Variants in SLITRK6 observed in about 807,000 individuals in gnomAD.
SLITRK6 encodes SLIT and NTRK-like protein 6.
Under a neutral mutation model 55.6 loss-of-function variants are expected in SLITRK6, and 35 were observed. That is an observed-to-expected ratio of 0.63 (90% CI 0.48 to 0.83). The LOEUF (loss-of-function observed/expected upper bound fraction) is 0.83. Ranked by LOEUF, SLITRK6 falls within the 40% of genes least tolerant of loss-of-function variation. The pLI, the probability that SLITRK6 is intolerant of heterozygous loss-of-function variation, is 0.00. For synonymous variants in SLITRK6, 392 were observed against 359.6 expected (o/e 1.09, Z -1.02); for missense variants, 977 against 986.4 (o/e 0.99, Z 0.13).
In SLITRK6 at chr13:85,794,633, C is replaced by A. The variant is rs1316548430; in HGVS notation, c.1876G>T (p.Ala626Ser). The change falls in exon 2 of 2, where the codon GCA becomes TCA. Residue 626 changes from alanine to serine, a missense_variant. Coordinates refer to ENST00000647374, the MANE Select transcript of SLITRK6 (RefSeq NM_032229.3). ...TGAAGAACAAGAACCACTATCCCTG[C>A]AGCACAGAAAACAATAGTGATGAAC... ...IMFITIVFCA[A>S]GIVVLVLHRR... 3 of 1,613,104 alleles carry A rather than the reference C, an allele frequency of 1.9e-6. No homozygotes were observed. Among genetic ancestry groups the A allele is most frequent in the African/African-American group, 2.7e-5 (2 of 74,808 alleles).
chr13:85,792,914 A>G lies in SLITRK6; in HGVS notation c.*1069T>C, dbSNP rs1244749354. ...CAGAATAAATATTTCATAGAAATCT[A>G]ACTATGCCTTCTTGTAAAATAAAGC... On this transcript the variant is annotated 3_prime_UTR_variant, in exon 2 of 2. Coordinates refer to ENST00000647374, the MANE Select transcript of SLITRK6 (RefSeq NM_032229.3). 6.6e-6 allele frequency: 1 copy of G among 152,242 alleles called. No homozygotes were observed. The highest frequency in any genetic ancestry group is 1.5e-5 in the Non-Finnish European group (1 of 67,812). The allele number at this position is 152,242 out of a possible 1,614,324, so 9.4% of individuals were successfully genotyped here.
At position 85,798,398 on chromosome 13, in the gene SLITRK6, C is replaced by T. The variant is rs375310350; in HGVS notation, c.-25+516G>A. Among the ~76,000 whole-genome samples, 3 of 151,992 alleles carry T rather than the reference C, an allele frequency of 2.0e-5. No homozygotes were observed. The East Asian group carries it at 5.8e-4, about 29-fold the overall frequency. On this transcript the variant is annotated intron_variant, in intron 1 of 1. Transcript: ENST00000647374. ...TGTATGAATTTTATGCTCTTCAAAA[C>T]GTGCTAGGAAACAGTTTCTAATCTT...
chr13:85,795,967 C>A lies in SLITRK6; in HGVS notation c.542G>T (p.Arg181Leu), dbSNP rs1156674707. The change falls in exon 2 of 2, where the codon CGA becomes CTA. Residue 181 changes from arginine (R) to leucine (L), a missense_variant. By Grantham distance (102) the Arg-to-Leu change is moderately radical (BLOSUM62 -2). Coordinates refer to ENST00000647374, the MANE Select transcript of SLITRK6 (RefSeq NM_032229.3). The stretch of plus-strand genomic sequence containing the variant: ...ATCTAGATGGGTTAAAGGAACAAAT[C>A]GGAAGATGTTTGGAGGAAGACTCTC... The part of the protein sequence containing the change: ...AIESLPPNIF[R>L]FVPLTHLDLR... 1 of 1,612,914 alleles carries A rather than the reference C, an allele frequency of 6.2e-7. No homozygotes were observed. Among genetic ancestry groups the A allele is most frequent in the Non-Finnish European group, 8.5e-7 (1 of 1,179,398 alleles).
chr13:85,797,100 C>T (rs868339688), intron 1 of SLITRK6, among the ~76,000 whole-genome samples: 11 of 151,110 alleles, frequency 7.3e-5, no homozygotes, highest in African/African-American at 2.4e-4. Flanking sequence ...CTGGGTGTCA[C>T]ACAATAACAT....
rs1413880973 is a variant in SLITRK6, at chr13:85,795,749, T to C, written c.760A>G (p.Lys254Glu). 2.5e-6 allele frequency: 4 copies of C among 1,612,492 alleles called. No individual in the cohort carries two copies. Among genetic ancestry groups the C allele is most frequent in the Non-Finnish European group, 2.5e-6 (3 of 1,179,288 alleles). Reference sequence around the variant, plus strand: ...TTTAGTCTACTGAGTATACTTCCTTTAAAAAATGGAGGGCTGTTGCAGACA... The same window carrying C: ...TTTAGTCTACTGAGTATACTTCCTTCAAAAAATGGAGGGCTGTTGCAGACA... Reference protein sequence around the residue: ...DVVCNSPPFFKGSILSRLKKE... With the variant: ...DVVCNSPPFFEGSILSRLKKE... Residue 254 changes from lysine (K) to glutamate (E), a missense_variant, in exon 2 of 2, where the codon AAA becomes GAA. Physicochemically the swap from Lys to Glu is moderately conservative, Grantham distance 56. Coordinates refer to ENST00000647374, the MANE Select transcript of SLITRK6 (RefSeq NM_032229.3).
rs758898828 is a variant in SLITRK6, at chr13:85,795,462, C to G, written c.1047G>C (p.Glu349Asp). 3 of 1,613,002 alleles carry G rather than the reference C, an allele frequency of 1.9e-6. No individual in the cohort carries two copies. The highest frequency in any genetic ancestry group is 1.1e-5 in the South Asian group (1 of 91,056). The stretch of plus-strand genomic sequence containing the variant: ...GATCTGATAAGCTTTCAATGTTGCG[C>G]TCCTGACAATGTATTAGAAGTCCTG... Reference protein sequence around the residue: ...SPSGLLIHCQERNIESLSDLR... With the variant: ...SPSGLLIHCQDRNIESLSDLR... Residue 349 changes from glutamate (E) to aspartate (D), a missense_variant, in exon 2 of 2, where the codon GAG becomes GAC. By Grantham distance (45) the Glu-to-Asp change is conservative (BLOSUM62 2). Transcript: ENST00000647374.
At position 85,795,999 on chromosome 13, in the gene SLITRK6, A is replaced by T; in HGVS notation, c.510T>A (p.Asn170Lys). 6.2e-7 allele frequency: 1 copy of T among 1,613,152 alleles called. No individual in the cohort carries two copies. Among genetic ancestry groups the T allele is most frequent in the Non-Finnish European group, 8.5e-7 (1 of 1,179,450 alleles). The change falls in exon 2 of 2, where the codon AAT becomes AAA. Residue 170 changes from asparagine (N) to lysine (K), a missense_variant. Coordinates refer to ENST00000647374, the MANE Select transcript of SLITRK6 (RefSeq NM_032229.3). ...TGTTTGGAGGAAGACTCTCAATAGC[A>T]TTGTCATTTAAAATTAACACTTTGA... ...NRLKVLILND[N>K]AIESLPPNIF... is the part of the protein sequence containing the mutation.
In SLITRK6 at chr13:85,794,924, G is replaced by A. The variant is rs1417558844; in HGVS notation, c.1585C>T (p.Gln529Ter). The A allele has an allele frequency of 6.2e-6, 10 of 1,613,102 alleles. No individual in the cohort carries two copies. The highest frequency in any genetic ancestry group is 8.5e-6 in the Non-Finnish European group (10 of 1,179,506). Residue 529 changes from glutamine (Q) to a stop codon, truncating the protein, a stop_gained, in exon 2 of 2, where the codon CAG (glutamine) becomes TAG (stop). Coordinates refer to ENST00000647374, the MANE Select transcript of SLITRK6 (RefSeq NM_032229.3). LOFTEE classifies it high-confidence loss of function. ...TTGCTTAACTTTTGTATCCATTGCT[G>A]CAGTCCAACCAGGTCACAGGAGCAG... Reference protein sequence around the residue: ...WDCSCDLVGLQQWIQKLSKNT... With the variant: ...WDCSCDLVGL
At chr13:85,796,648 G>T in intron 1 of SLITRK6, 116 bp from the exon 2 acceptor site, 4 of 726,678 alleles carry the variant, frequency 5.5e-6, no homozygotes, top group Non-Finnish European at 7.9e-6. Flanking sequence ...GGATTACCAT[G>T]AAAATATGGG....
chr13:85,796,487 A>G lies in SLITRK6; in HGVS notation c.22T>C (p.Phe8Leu). The G allele has an allele frequency of 6.4e-7, 1 of 1,554,214 alleles. No homozygotes were observed. The highest frequency in any genetic ancestry group is 8.6e-7 in the Non-Finnish European group (1 of 1,156,182). The change falls in exon 2 of 2, where the codon TTT becomes CTT. Residue 8 changes from phenylalanine to leucine, a missense_variant. By Grantham distance (22) the Phe-to-Leu change is conservative. Coordinates refer to ENST00000647374, the MANE Select transcript of SLITRK6 (RefSeq NM_032229.3). Reference protein sequence around the residue: MKLWIHLFYSSLLACISL... With the variant: MKLWIHLLYSSLLACISL... ...ATACAGGCAAGGAGAGATGAATAAAAGAGATGAATCCACAGCTTCATGTTG... is the reference window on the plus strand; with the variant it reads ...ATACAGGCAAGGAGAGATGAATAAAGGAGATGAATCCACAGCTTCATGTTG...
Position 85,795,381 on chromosome 13 carries a change from G to T in SLITRK6, c.1128C>A (p.His376Gln). 1 of 1,612,760 alleles carries T rather than the reference G, an allele frequency of 6.2e-7. No individual in the cohort carries two copies. The highest frequency in any genetic ancestry group is 1.1e-5 in the South Asian group (1 of 91,034). Residue 376 changes from histidine (H) to glutamine (Q), a missense_variant, in exon 2 of 2, where the codon CAC becomes CAA. Physicochemically the swap from His to Gln is conservative, Grantham distance 24 (BLOSUM62 0). Coordinates refer to ENST00000647374, the MANE Select transcript of SLITRK6 (RefSeq NM_032229.3). ...CCACTAGATCAGACTTCATTAAACT[G>T]TGAATAATATTTCCCGCTAGAATGA... Reference protein sequence around the residue: ...RKLILAGNIIHSLMKSDLVEY... With the variant: ...RKLILAGNIIQSLMKSDLVEY...
chr13:85,795,548 A>G lies in SLITRK6; in HGVS notation c.961T>C (p.Ser321Pro). 6.2e-7 allele frequency: 1 copy of G among 1,612,860 alleles called. No individual in the cohort carries two copies. Among genetic ancestry groups the G allele is most frequent in the Non-Finnish European group, 8.5e-7 (1 of 1,179,370 alleles). Residue 321 changes from serine (S) to proline (P), a missense_variant, in exon 2 of 2, where the codon TCC (serine) becomes CCC (proline). Transcript: ENST00000647374. Reference sequence around the variant, plus strand: ...CAGTAAGGTCCTGGAAGTTGAGTGGATGGCTTTGTAATATAAGGTATCAAA... The same window carrying G: ...CAGTAAGGTCCTGGAAGTTGAGTGGGTGGCTTTGTAATATAAGGTATCAAA... Reference protein sequence around the residue: ...PGLIPYITKPSTQLPGPYCPI... With the variant: ...PGLIPYITKPPTQLPGPYCPI...
In SLITRK6 at chr13:85,793,865, T is replaced by C. The variant is rs1021540543; in HGVS notation, c.*118A>G. 2.0e-5 allele frequency: 23 copies of C among 1,164,718 alleles called. No individual in the cohort carries two copies. In the African/African-American group the frequency reaches 3.0e-4, roughly 15 times the overall value. The allele number at this position is 1,164,718 out of a possible 1,614,324, so 72.1% of individuals were successfully genotyped here. ...TTTTCTTCTTCTTTTTTTTTCCCCA[T>C]AGTTTACTGCTGTGCTTAGGTTCTG... On this transcript the variant is annotated 3_prime_UTR_variant, in exon 2 of 2. Transcript: ENST00000647374.
chr13:85,795,473 G>A lies in SLITRK6; in HGVS notation c.1036C>T (p.His346Tyr), dbSNP rs1263919085. The A allele has an allele frequency of 1.4e-5, 22 of 1,612,954 alleles. No homozygotes were observed. The highest frequency in any genetic ancestry group is 1.8e-5 in the Non-Finnish European group (21 of 1,179,440). Residue 346 changes from histidine to tyrosine, a missense_variant, in exon 2 of 2, where the codon CAT becomes TAT. Physicochemically the swap from His to Tyr is moderately conservative, Grantham distance 83. Transcript: ENST00000647374. ...KVLSPSGLLI[H>Y]CQERNIESLS... is the part of the protein sequence containing the mutation. ...CTTTCAATGTTGCGCTCCTGACAAT[G>A]TATTAGAAGTCCTGATGGGGATAGG...
In SLITRK6 at chr13:85,796,420, G is replaced by A. The variant is rs200578631; in HGVS notation, c.89C>T (p.Ser30Phe). The change falls in exon 2 of 2, where the codon TCT becomes TTT. Residue 30 changes from serine (S) to phenylalanine (F), a missense_variant. Physicochemically the swap from Ser to Phe is radical, Grantham distance 155. Transcript: ENST00000647374. ...SQTPVLSSRGSCDSLCNCEEK... is the reference protein window; with the variant it reads ...SQTPVLSSRGFCDSLCNCEEK... ...CTCACAATTGCAAAGAGAATCACAAGAGCCTCTGGATGAGAGCACTGGAGT... is the reference window on the plus strand; with the variant it reads ...CTCACAATTGCAAAGAGAATCACAAAAGCCTCTGGATGAGAGCACTGGAGT... 6.2e-7 allele frequency: 1 copy of A among 1,611,726 alleles called. No homozygotes were observed. Among genetic ancestry groups the A allele is most frequent in the African/African-American group, 1.3e-5 (1 of 74,718 alleles).
chr13:85,795,493 G>T lies in SLITRK6; in HGVS notation c.1016C>A (p.Ser339Tyr). The T allele has an allele frequency of 6.2e-7, 1 of 1,612,990 alleles. No homozygotes were observed. Among genetic ancestry groups the T allele is most frequent in the Non-Finnish European group, 8.5e-7 (1 of 1,179,368 alleles). Residue 339 changes from serine to tyrosine, a missense_variant, in exon 2 of 2, where the codon TCC (serine) becomes TAC (tyrosine). Ser to Tyr is a moderately radical substitution (Grantham distance 144). Transcript: ENST00000647374. ...ACAATGTATTAGAAGTCCTGATGGG[G>T]ATAGGACTTTGCAGTTACAAGGAAT... ...CPIPCNCKVL[S>Y]PSGLLIHCQE...
chr13:85,794,449 A>G lies in SLITRK6; in HGVS notation c.2060T>C (p.Val687Ala). 1 of 1,613,354 alleles carries G rather than the reference A, an allele frequency of 6.2e-7. No homozygotes were observed. Among genetic ancestry groups the G allele is most frequent in the Non-Finnish European group, 8.5e-7 (1 of 1,179,564 alleles). Reference sequence around the variant, plus strand: ...AAAGGATGGACTTCTATAGACATGAACCATGGGGCTCACCATGTGCTGTTC... The same window carrying G: ...AAAGGATGGACTTCTATAGACATGAGCCATGGGGCTCACCATGTGCTGTTC... ...LYEQHMVSPM[V>A]HVYRSPSFGP... The change falls in exon 2 of 2, where the codon GTT (valine) becomes GCT (alanine). Residue 687 changes from valine (V) to alanine (A), a missense_variant. Coordinates refer to ENST00000647374, the MANE Select transcript of SLITRK6 (RefSeq NM_032229.3).
In SLITRK6 at chr13:85,795,313, A is replaced by G. The variant is rs373543225; in HGVS notation, c.1196T>C (p.Ile399Thr). The G allele has an allele frequency of 2.0e-5, 32 of 1,612,694 alleles. No homozygotes were observed. The highest frequency in any genetic ancestry group is 1.5e-4 in the Admixed American group (9 of 59,748). ...LEMLHLGNNR[I>T]EVLEEGSFMN... Reference sequence around the variant, plus strand: ...AAACGATCCTTCTTCAAGAACTTCAATACGATTGTTTCCCAAGTGAAGCAT... The same window carrying G: ...AAACGATCCTTCTTCAAGAACTTCAGTACGATTGTTTCCCAAGTGAAGCAT... Residue 399 changes from isoleucine to threonine, a missense_variant, in exon 2 of 2, where the codon ATT (isoleucine) becomes ACT (threonine). By Grantham distance (89) the Ile-to-Thr change is moderately conservative. Transcript: ENST00000647374.
chr13:85,794,119 A>G lies in SLITRK6; in HGVS notation c.2390T>C (p.Leu797Pro), dbSNP rs750550808. 6.2e-7 allele frequency: 1 copy of G among 1,613,056 alleles called. No homozygotes were observed. Among genetic ancestry groups the G allele is most frequent in the Non-Finnish European group, 8.5e-7 (1 of 1,179,404 alleles). ...EAHYPGAHEE[L>P]KLMETLMYSR... ...GTACATTAATGTTTCCATTAACTTCAGCTCTTCGTGGGCTCCAGGATAATG... is the reference window on the plus strand; with the variant it reads ...GTACATTAATGTTTCCATTAACTTCGGCTCTTCGTGGGCTCCAGGATAATG... The change falls in exon 2 of 2, where the codon CTG (leucine) becomes CCG (proline). Residue 797 changes from leucine to proline, a missense_variant. By Grantham distance (98) the Leu-to-Pro change is moderately conservative. Transcript: ENST00000647374.
Sources: gnomAD v4.1 joint callset for allele counts (sites outside exome capture counted in the v4.1 genomes callset) on GRCh38, gnomAD v4.1.1 for gene constraint, MANE v1.5 for transcripts, NCBI Gene and HGNC (gene_info 2026-07-23, HGNC 2026-07-21) for gene names.